The following DYNC2H1 variants were observed in gnomAD, a reference collection of about 807,000 sequenced individuals.
DYNC2H1 encodes cytoplasmic dynein 2 heavy chain 1.
DYNC2H1 carries 410 observed loss-of-function variants against 570.0 expected under a neutral mutation model. That is an observed-to-expected ratio of 0.72 (90% CI 0.66 to 0.78). DYNC2H1 has a LOEUF of 0.78. Among genes scored for constraint, DYNC2H1 ranks in the 30% least tolerant of loss-of-function variants. The probability of loss-of-function intolerance (pLI) is 0.00; values close to 1 mark genes in which losing one functional copy is unlikely to be tolerated. For synonymous variants in DYNC2H1, 1,688 were observed against 1,677.6 expected (o/e 1.01, Z -0.15); for missense variants, 4,865 against 5,046.4 (o/e 0.96, Z 1.09).
Position 103,151,246 on chromosome 11 carries a change from G to GC in DYNC2H1, c.2947-889dup, listed in dbSNP as rs1860521351. On this transcript the variant is annotated intron_variant, in intron 20 of 88. Transcript: ENST00000375735. This position sits in a 1 kb window ranked among gnomAD's most constrained non-coding sequence, Gnocchi z 4.6. Reference sequence around the variant, plus strand: ...CCTCAGTAGCTAGGAGTACAGGTGTGCACCACCATGCCCAGTTAATTTTTA... The same window carrying GC: ...CCTCAGTAGCTAGGAGTACAGGTGTGCCACCACCATGCCCAGTTAATTTTTA... 6.6e-6 allele frequency among the ~76,000 whole-genome samples: 1 copy of GC among 152,054 alleles called. No individual in the cohort carries two copies. Among genetic ancestry groups the GC allele is most frequent in the South Asian group, 2.1e-4 (1 of 4,828 alleles).
In DYNC2H1 at chr11:103,186,743, C is replaced by T. The variant is rs1862086487; in HGVS notation, c.6893+242C>T. ...CTGAGAAGATACTCTTAAAAATTAT[C>T]CGTCCATATAATACAGCAAAAAAAA... On this transcript the variant is annotated intron_variant, in intron 42 of 88. Coordinates refer to ENST00000375735, the MANE Select transcript of DYNC2H1 (RefSeq NM_001377.3). This position sits in a 1 kb window ranked among gnomAD's most constrained non-coding sequence, Gnocchi z 4.5. 6.8e-6 allele frequency among the ~76,000 whole-genome samples: 1 copy of T among 146,086 alleles called. No individual in the cohort carries two copies.
intron 82 of DYNC2H1, among the ~76,000 whole-genome samples, chr11:103,347,751 T>G (rs1307228280): frequency 3.3e-5 from 5 of 152,204 alleles, no homozygotes; most frequent in Non-Finnish European, 7.3e-5. Context: ...TACACAGCTA[T>G]TAGCACTTTT....
chr11:103,444,874 G>A (rs1944374173), intron 85 of DYNC2H1, among the ~76,000 whole-genome samples: 1 of 152,174 alleles, frequency 6.6e-6, no homozygotes, highest in African/African-American at 2.4e-5. Flanking sequence ...GGTGGCCAAG[G>A]ACCATTATGT....
chr11:103,417,091 C>T (rs1345178476), intron 84 of DYNC2H1, among the ~76,000 whole-genome samples: 1 of 152,064 alleles, frequency 6.6e-6, no homozygotes, highest in African/African-American at 2.4e-5. Flanking sequence ...CATCTCACAC[C>T]AGTTAGAATG....
chr11:103,258,193 TA>T (rs1203692554), intron 69 of DYNC2H1, among the ~76,000 whole-genome samples: 1 of 152,178 alleles, frequency 6.6e-6, no homozygotes, highest in Non-Finnish European at 1.5e-5. Context: ...TGGAGGGAAG[TA>T]TGTATTAAAG....
At position 103,115,252 on chromosome 11, in the gene DYNC2H1, A is replaced by G. The variant is rs964198131; in HGVS notation, c.578A>G (p.Glu193Gly). 8 of 1,606,680 alleles carry G rather than the reference A, an allele frequency of 5.0e-6. No individual in the cohort carries two copies. Among genetic ancestry groups the G allele is most frequent in the Middle Eastern group, 3.3e-4 (2 of 6,072 alleles). ...AHRGNKQISK[E>G]RANYFKELFE... ...CGTGGAAATAAACAGATTAGTAAAG[A>G]AAGAGCCAATTATTTTAAAGAATTA... The change falls in exon 4 of 89, where the codon GAA becomes GGA. Residue 193 changes from glutamate to glycine, a missense_variant. Physicochemically the swap from Glu to Gly is moderately conservative, Grantham distance 98 (BLOSUM62 -2). This residue lies in a region of DYNC2H1 where 1,936 missense variants were observed against 1,962.1 expected (regional missense o/e 0.99). Transcript: ENST00000375735.
chr11:103,307,765 C>T lies in DYNC2H1; in HGVS notation c.11427C>T (p.Leu3809=), dbSNP rs911704663. 1.9e-6 allele frequency: 3 copies of T among 1,605,746 alleles called. No homozygotes were observed. The highest frequency in any genetic ancestry group is 2.6e-6 in the Non-Finnish European group (3 of 1,175,650). ...CTAAAGATACCTTTCGTCTTTGGCT[C>T]ACTGCAGAAGTTCATCCCAACTTTA... ...LQPKDTFRLW[L]TAEVHPNFTP... Residue 3809 remains leucine (L), a synonymous_variant, in exon 78 of 89, where the codon CTC becomes CTT. Coordinates refer to ENST00000375735, the MANE Select transcript of DYNC2H1 (RefSeq NM_001377.3).
intron 83 of DYNC2H1, among the ~76,000 whole-genome samples, chr11:103,375,919 C>T (rs549392966): frequency 9.5e-4 from 145 of 152,006 alleles, no homozygotes; most frequent in African/African-American, 3.3e-3. Context: ...TTGGAGGGGC[C>T]GGGGACAGAA....
At chr11:103,422,959 T>C (rs1335859255) in intron 84 of DYNC2H1, among the ~76,000 whole-genome samples, 1 of 137,430 alleles carries the variant, frequency 7.3e-6, no homozygotes, top group Non-Finnish European at 1.5e-5. Context: ...ACCCAAAAGC[T>C]AGGAATACCT....
intron 65 of DYNC2H1, among the ~76,000 whole-genome samples, chr11:103,248,840 A>T (rs1864721083): frequency 6.6e-6 from 1 of 152,044 alleles, no homozygotes; most frequent in Admixed American, 6.6e-5. Context: ...ATATCCATGT[A>T]TCCAAGCACC....
chr11:103,165,912 G>C lies in DYNC2H1; in HGVS notation c.4626G>C (p.Ala1542=). ...SLFPSQILCL[A]EQIKFTEDVE... ...TTATTCAATAGATTTTATGCTTGGC[G>C]GAGCAGATTAAATTCACTGAAGATG... The change falls in exon 31 of 89, where the codon GCG becomes GCC. Residue 1542 remains alanine (A), a synonymous_variant. Transcript: ENST00000375735. The C allele has an allele frequency of 6.7e-7, 1 of 1,496,648 alleles. No individual in the cohort carries two copies. The highest frequency in any genetic ancestry group is 8.9e-7 in the Non-Finnish European group (1 of 1,123,268). 92.7% of individuals were successfully genotyped at this position (1,496,648 alleles called of 1,614,324 possible).
At chr11:103,309,465 G>T (rs1867472205) in intron 78 of DYNC2H1, among the ~76,000 whole-genome samples, 2 of 150,472 alleles carry the variant, frequency 1.3e-5, no homozygotes, top group Admixed American at 1.3e-4. Context: ...CAAAATGCTG[G>T]GATTACAGGC....
At chr11:103,232,406 T>C (rs942592211) in intron 60 of DYNC2H1, among the ~76,000 whole-genome samples, 2 of 151,994 alleles carry the variant, frequency 1.3e-5, no homozygotes, top group African/African-American at 4.8e-5. Context: ...ATAAAGTTTC[T>C]GCTCTTAACC....
rs368867624 is a variant in DYNC2H1 at position 103,192,231 on chromosome 11, G to A, written c.7675G>A (p.Asp2559Asn). The change falls in exon 47 of 89, where the codon GAT becomes AAT. Residue 2559 changes from aspartate to asparagine, a missense_variant. By Grantham distance (23) the Asp-to-Asn change is conservative. Transcript: ENST00000375735. Reference sequence around the variant, plus strand: ...CATTTTAACATCAGTGTTTCAAGGAGATTGGGGCTCAGACATATTAGACAA... The same window carrying A: ...CATTTTAACATCAGTGTTTCAAGGAAATTGGGGCTCAGACATATTAGACAA... ...DIILTSVFQG[D>N]WGSDILDNMS... The A allele has an allele frequency of 7.0e-5, 111 of 1,583,886 alleles. No individual in the cohort carries two copies. The highest frequency in any genetic ancestry group is 8.4e-5 in the Non-Finnish European group (98 of 1,161,138).
At position 103,117,862 on chromosome 11, in the gene DYNC2H1, A is replaced by C. The variant is rs763366904; in HGVS notation, c.998A>C (p.Glu333Ala). Residue 333 changes from glutamate (E) to alanine (A), a missense_variant and splice_region_variant, in exon 6 of 89, where the codon GAG (glutamate) becomes GCG (alanine). Physicochemically the swap from Glu to Ala is moderately radical, Grantham distance 107. Transcript: ENST00000375735. ...GACAAACTTGGCAAACGCCTTGAAG[A>C]GGTATCAATTTGATTATCTAGATCT... ...TLDKLGKRLE[E>A]VLAIRTIHEK... 7.5e-6 allele frequency: 12 copies of C among 1,607,940 alleles called. No individual in the cohort carries two copies. In the African/African-American group the frequency reaches 1.3e-4, roughly 18 times the overall value.
intron 70 of DYNC2H1, among the ~76,000 whole-genome samples, chr11:103,265,049 A>C (rs1462160358): frequency 2.0e-5 from 3 of 152,338 alleles, no homozygotes; most frequent in African/African-American, 7.2e-5. Context: ...GGATGAATTC[A>C]TGTCCTTTGC....
In DYNC2H1 at chr11:103,307,811, A is replaced by G; in HGVS notation, c.11473A>G (p.Ser3825Gly). 4 of 1,597,092 alleles carry G rather than the reference A, an allele frequency of 2.5e-6. No individual in the cohort carries two copies. Among genetic ancestry groups the G allele is most frequent in the African/African-American group, 1.3e-5 (1 of 74,764 alleles). ...CTTTACTCCTATTTTACTACAGTCA[A>G]GTCTGAAGATAACATATGAGGTAAG... is the stretch of plus-strand genomic sequence containing the variant. ...PNFTPILLQS[S>G]LKITYESPPG... is the part of the protein sequence containing the mutation. Residue 3825 changes from serine to glycine, a missense_variant, in exon 78 of 89, where the codon AGT becomes GGT. Ser to Gly is a moderately conservative substitution (Grantham distance 56). This residue lies in a region of DYNC2H1 where 2,401 missense variants were observed against 2,454.6 expected (regional missense o/e 0.98). Coordinates refer to ENST00000375735, the MANE Select transcript of DYNC2H1 (RefSeq NM_001377.3).
intron 5 of DYNC2H1, 124 bp from the exon 6 acceptor site, chr11:103,117,507 A>G (rs1858471435): frequency 8.2e-6 from 6 of 733,536 alleles, no homozygotes; most frequent in Non-Finnish European, 1.2e-5. Flanking sequence ...TGCATGTGGT[A>G]TTTCATAGAT....
Position 103,170,815 on chromosome 11 carries a change from A to G in DYNC2H1, c.5152-71A>G. The G allele has an allele frequency of 7.8e-7, 1 of 1,274,494 alleles. No individual in the cohort carries two copies. The highest frequency in any genetic ancestry group is 2.7e-5 in the East Asian group (1 of 37,292). The allele number at this position is 1,274,494 out of a possible 1,614,324, so 78.9% of individuals were successfully genotyped here. ...AATTATCACCTTATCAATAAGTAAC[A>G]TTAAATATTAAGTAGTTATGGAGAT... On this transcript the variant is annotated intron_variant, in intron 33 of 88. Transcript: ENST00000375735. The surrounding 1 kb of genome is among the most constrained non-coding windows in gnomAD (Gnocchi z 4.8).
Sources: allele counts gnomAD v4.1 joint callset (sites outside exome capture counted in the v4.1 genomes callset), GRCh38; gene constraint gnomAD v4.1.1; regional missense constraint gnomAD v4.1.1; non-coding constraint Gnocchi (gnomAD v3.1); transcripts MANE v1.5; gene names NCBI Gene and HGNC (gene_info 2026-07-23, HGNC 2026-07-21).